Variants in CORIN observed in about 807,000 individuals in gnomAD.
CORIN encodes the protein atrial natriuretic peptide-converting enzyme.
In CORIN, 117 loss-of-function variants were observed where a neutral mutation model predicts 125.3. That is an observed-to-expected ratio of 0.93 (90% CI 0.80 to 1.09). The LOEUF is 1.09. Ranked by LOEUF, CORIN falls within the 50% of genes least tolerant of loss-of-function variation. The probability of loss-of-function intolerance (pLI) is 0.00; values close to 1 mark genes in which losing one functional copy is unlikely to be tolerated. For missense variants in CORIN, 1,253 were observed against 1,306.7 expected, an observed-to-expected ratio of 0.96 and a Z score of 0.63; for synonymous variants, 450 against 466.4, an observed-to-expected ratio of 0.96 and a Z score of 0.45.
intron 21 of CORIN, among the ~76,000 whole-genome samples, chr4:47,597,396 G>A (rs1360660363): frequency 6.6e-6 from 1 of 150,968 alleles, no homozygotes; most frequent in African/African-American, 2.4e-5. Flanking sequence ...AATTTTGATT[G>A]TGCTGTATGC....
At chr4:47,797,096 T>A (rs1430363026) in intron 2 of CORIN, among the ~76,000 whole-genome samples, 96 of 152,030 alleles carry the variant, frequency 6.3e-4, no homozygotes, top group African/African-American at 2.2e-3. Context: ...TCAATACATA[T>A]TTGTTAAAGG....
intron 4 of CORIN, among the ~76,000 whole-genome samples, chr4:47,755,395 A>G (rs530147145): frequency 6.6e-6 from 1 of 152,304 alleles, no homozygotes; most frequent in African/African-American, 2.4e-5. Flanking sequence ...TCCCTCAAGT[A>G]TTCTTCACAT....
chr4:47,605,826 G>C (rs1721626841), intron 19 of CORIN, among the ~76,000 whole-genome samples: 1 of 151,984 alleles, frequency 6.6e-6, no homozygotes, highest in South Asian at 2.1e-4. Flanking sequence ...TTCTTTTCTT[G>C]GCACGCCTTT....
intron 1 of CORIN, among the ~76,000 whole-genome samples, chr4:47,831,755 T>C (rs1471627827): frequency 6.6e-6 from 1 of 152,016 alleles, no homozygotes; most frequent in Non-Finnish European, 1.5e-5. Flanking sequence ...AAATATATGT[T>C]CACCGAGAAC....
At position 47,697,451 on chromosome 4, in the gene CORIN, T is replaced by C. The variant is rs748257798; in HGVS notation, c.800-4368A>G. On this transcript the variant is annotated intron_variant, in intron 5 of 21. Coordinates refer to ENST00000273857, the MANE Select transcript of CORIN (RefSeq NM_006587.4). ...GTGAGGGGCCAGGTGCAGTGCCGCA[T>C]GCCTGTAATCCCAGCACTTTGGAAG... 5.8e-4 allele frequency among the ~76,000 whole-genome samples: 88 copies of C among 152,150 alleles called. 2 individuals carry two copies. Among genetic ancestry groups the C allele is most frequent in the Admixed American group, 5.8e-3 (88 of 15,268 alleles).
At chr4:47,816,472 GA>G (rs1386811281) in intron 1 of CORIN, among the ~76,000 whole-genome samples, 1 of 152,094 alleles carries the variant, frequency 6.6e-6, no homozygotes, top group African/African-American at 2.4e-5. Context: ...GGGCTATAAA[GA>G]TGAAGAAAAC....
intron 6 of CORIN, among the ~76,000 whole-genome samples, chr4:47,685,438 T>C (rs1013279820): frequency 6.6e-6 from 1 of 152,186 alleles, no homozygotes; most frequent in African/African-American, 2.4e-5. Context: ...ATGACTCGTT[T>C]ATGGAATTCC....
Position 47,821,030 on chromosome 4 carries a change from T to C in CORIN, c.64-13983A>G, listed in dbSNP as rs1312497942. ...GGCAGGCGGATCATGAGGTTAGGAG[T>C]TCAAGCCCAGCCTGGCCAATATGGT... On this transcript the variant is annotated intron_variant, in intron 1 of 21. Coordinates refer to ENST00000273857, the MANE Select transcript of CORIN (RefSeq NM_006587.4). Among the ~76,000 whole-genome samples the C allele has an allele frequency of 2.6e-5, 4 of 151,448 alleles. No homozygotes were observed. The East Asian group carries it at 5.8e-4, about 22-fold the overall frequency.
chr4:47,680,028 C>T, intron 8 of CORIN, 113 bp downstream of exon 8: 3 of 636,954 alleles, frequency 4.7e-6, no homozygotes. Context: ...AAGAATCTTT[C>T]CCTTGGAATG....
intron 5 of CORIN, among the ~76,000 whole-genome samples, chr4:47,693,417 T>A (rs1052558104): frequency 6.6e-6 from 1 of 152,214 alleles, no homozygotes; most frequent in African/African-American, 2.4e-5. Flanking sequence ...TGGGTGTATC[T>A]TTCTAAATAA....
chr4:47,817,746 A>T (rs1288516824), intron 1 of CORIN, among the ~76,000 whole-genome samples: 1 of 152,198 alleles, frequency 6.6e-6, no homozygotes, highest in East Asian at 1.9e-4. Context: ...AGGGCCATGG[A>T]AAGAAACAGA....
intron 3 of CORIN, among the ~76,000 whole-genome samples, chr4:47,764,789 T>C (rs998604244): frequency 6.6e-6 from 1 of 152,302 alleles, no homozygotes; most frequent in Middle Eastern, 3.4e-3. Flanking sequence ...TATAATGACA[T>C]ATCTCAAGGT....
intron 1 of CORIN, among the ~76,000 whole-genome samples, chr4:47,808,269 CT>C (rs1383126423): frequency 1.3e-5 from 2 of 152,104 alleles, no homozygotes; most frequent in Admixed American, 1.3e-4. Context: ...AAATACCAAA[CT>C]TTTTTTAAAA....
rs199878895 is a variant in CORIN, at chr4:47,757,867, CATATATATATGTATATATATATATAT to C, written c.617+5486_617+5511del. Reference sequence around the variant, plus strand: ...TGAAATGAGTTTACACATATATATACATATATATATGTATATATATATATATATATATATATATACACAAATATACA... The same window carrying C: ...TGAAATGAGTTTACACATATATATACATATATATATATACACAAATATACA... On this transcript the variant is annotated intron_variant, in intron 4 of 21. Coordinates refer to ENST00000273857, the MANE Select transcript of CORIN (RefSeq NM_006587.4). Among the ~76,000 whole-genome samples the C allele has an allele frequency of 6.6e-4, 61 of 91,740 alleles. 2 individuals are homozygous for C. In the East Asian group the frequency reaches 7.1e-3, roughly 11 times the overall value. The allele number at this position is 91,740 out of a possible 152,430, so 60.2% of individuals were successfully genotyped here.
chr4:47,778,428 C>T (rs1027114419), intron 3 of CORIN, among the ~76,000 whole-genome samples: 1 of 152,130 alleles, frequency 6.6e-6, no homozygotes, highest in Non-Finnish European at 1.5e-5. Context: ...CTTTCAGAAG[C>T]CTAGTTCTGC....
intron 5 of CORIN, among the ~76,000 whole-genome samples, chr4:47,696,407 G>A (rs1233896203): frequency 1.3e-5 from 2 of 152,084 alleles, no homozygotes; most frequent in Non-Finnish European, 2.9e-5. Context: ...TATTTACTGA[G>A]TGTCTACTAT....
chr4:47,745,681 T>C (rs753574384), intron 4 of CORIN, among the ~76,000 whole-genome samples: 17 of 152,182 alleles, frequency 1.1e-4, no homozygotes, highest in Non-Finnish European at 2.5e-4. Flanking sequence ...AAGGACCTAA[T>C]AGTTGGGCTT....
chr4:47,776,471 A>T (rs1730310459), intron 3 of CORIN, among the ~76,000 whole-genome samples: 1 of 152,202 alleles, frequency 6.6e-6, no homozygotes, highest in Non-Finnish European at 1.5e-5. Context: ...TCATTTAAAA[A>T]AATTTCTCAT....
intron 3 of CORIN, among the ~76,000 whole-genome samples, chr4:47,765,240 G>A (rs1483370530): frequency 1.3e-5 from 2 of 151,910 alleles, no homozygotes; most frequent in Non-Finnish European, 2.9e-5. Context: ...GAACCCGGGA[G>A]GCGGAGCTTG....
Sources: allele counts gnomAD v4.1 joint callset (sites outside exome capture counted in the v4.1 genomes callset), GRCh38; gene constraint gnomAD v4.1.1; transcripts MANE v1.5; gene names NCBI Gene and HGNC (gene_info 2026-07-23, HGNC 2026-07-21).